Variants in FSIP2 observed in about 807,000 individuals in gnomAD.
FSIP2 encodes fibrous sheath-interacting protein 2.
In FSIP2, 367 loss-of-function variants were observed where a neutral mutation model predicts 510.5. The ratio of observed to expected loss-of-function variants is 0.72; its 90% CI spans 0.66 to 0.78. FSIP2 has a LOEUF of 0.78. FSIP2 is among the 30% of genes least tolerant of loss of function. The pLI is 0.00. For synonymous variants in FSIP2, 2,601 were observed against 2,732.2 expected, an observed-to-expected ratio of 0.95 and a Z score of 1.50; for missense variants, 7,594 against 7,901.7, an observed-to-expected ratio of 0.96 and a Z score of 1.48.
intron 17 of FSIP2, among the ~76,000 whole-genome samples, chr2:185,811,059 G>A (rs1307986272): frequency 3.9e-5 from 6 of 152,038 alleles, no homozygotes; most frequent in African/African-American, 9.7e-5. Context: ...CATTCAAGAT[G>A]TGACATCTTG....
intron 8 of FSIP2, 30 bp downstream of exon 8, chr2:185,753,872 A>G (rs1355949142): frequency 2.2e-6 from 3 of 1,385,012 alleles, no homozygotes; most frequent in African/African-American, 1.5e-5. Context: ...AAGATGATGT[A>G]GCTAAGTAGA....
At position 185,807,630 on chromosome 2, in the gene FSIP2, TGGATGCAA is replaced by T; in HGVS notation, c.18325_18332del (p.Gly6109AsnfsTer8). 1.9e-6 allele frequency: 3 copies of T among 1,612,898 alleles called. No homozygotes were observed. Among genetic ancestry groups the T allele is most frequent in the Non-Finnish European group, 2.5e-6 (3 of 1,179,334 alleles). The stretch of plus-strand genomic sequence containing the variant: ...AGATTATACAAAATTGTGTAACCAG[TGGATGCAA>T]AATCCTTTCAGAAAACATAGTTGAC... On this transcript the variant is annotated frameshift_variant, in exon 17 of 23. Transcript: ENST00000424728. LOFTEE classifies it high-confidence loss of function.
chr2:185,744,059 G>T (rs1373992724), intron 3 of FSIP2, among the ~76,000 whole-genome samples: 2 of 151,698 alleles, frequency 1.3e-5, no homozygotes, highest in African/African-American at 4.8e-5. Flanking sequence ...CAAACTCCTG[G>T]CCTCAAGAGA....
In FSIP2 at chr2:185,802,932, C is replaced by A. The variant is rs555759007; in HGVS notation, c.13626C>A (p.His4542Gln). 50 of 1,513,582 alleles carry A rather than the reference C, an allele frequency of 3.3e-5. 1 individual carries two copies. In the South Asian group the frequency reaches 5.0e-4, roughly 15 times the overall value. 93.8% of individuals were successfully genotyped at this position (1,513,582 alleles called of 1,614,324 possible). A position where few individuals can be genotyped will look rare whatever the true frequency, so the allele number is the denominator to read the frequency against. ...KFIYSEDDIQ[H>Q]LVDSVFANVV... is the part of the protein sequence containing the mutation. ...TTTATTCAGAAGATGATATTCAGCA[C>A]CTTGTTGATTCAGTATTTGCAAATG... is the stretch of plus-strand genomic sequence containing the variant. Residue 4542 changes from histidine to glutamine, a missense_variant, in exon 17 of 23, where the codon CAC becomes CAA. Physicochemically the swap from His to Gln is conservative, Grantham distance 24. Transcript: ENST00000424728.
At position 185,793,444 on chromosome 2, in the gene FSIP2, A is replaced by T. The variant is rs1306665916; in HGVS notation, c.6308A>T (p.Glu2103Val). 1 of 1,534,244 alleles carries T rather than the reference A, an allele frequency of 6.5e-7. No individual in the cohort carries two copies. The highest frequency in any genetic ancestry group is 8.7e-7 in the Non-Finnish European group (1 of 1,145,652). ...TIEGILCDIY[E>V]KTLFQNNLSF... ...GAAGGTATCCTATGTGATATTTATG[A>T]AAAAACCCTGTTTCAGAATAATCTC... Residue 2103 changes from glutamate to valine, a missense_variant, in exon 16 of 23, where the codon GAA (glutamate) becomes GTA (valine). Coordinates refer to ENST00000424728, the MANE Select transcript of FSIP2 (RefSeq NM_173651.4).
rs1262048894 is a variant in FSIP2 at position 185,804,065 on chromosome 2, T to G, written c.14759T>G (p.Leu4920Trp). The change falls in exon 17 of 23, where the codon TTG (leucine) becomes TGG (tryptophan). Residue 4920 changes from leucine (L) to tryptophan (W), a missense_variant. Leu to Trp is a moderately conservative substitution (Grantham distance 61, BLOSUM62 -2). Transcript: ENST00000424728. ...TTATCTGAAGATAAAACTCTCCTTT[T>G]GGCAGCAGTTGATCAAACTTATAAA... ...SFLSEDKTLL[L>W]AAVDQTYKLK... 2 of 1,522,658 alleles carry G rather than the reference T, an allele frequency of 1.3e-6. No individual in the cohort carries two copies. The highest frequency in any genetic ancestry group is 1.8e-6 in the Non-Finnish European group (2 of 1,138,662). 94.3% of individuals were successfully genotyped at this position (1,522,658 alleles called of 1,614,324 possible).
Position 185,764,505 on chromosome 2 carries a change from G to T in FSIP2, c.1351G>T (p.Glu451Ter), listed in dbSNP as rs1203367663. The T allele has an allele frequency of 6.5e-7, 1 of 1,528,560 alleles. No individual in the cohort carries two copies. The highest frequency in any genetic ancestry group is 2.5e-5 in the East Asian group (1 of 40,642). 94.7% of individuals were successfully genotyped at this position (1,528,560 alleles called of 1,614,324 possible). A position where few individuals can be genotyped will look rare whatever the true frequency, so the allele number is the denominator to read the frequency against. Residue 451 changes from glutamate to a stop codon, truncating the protein, a stop_gained, in exon 13 of 23, where the codon GAG becomes TAG. Coordinates refer to ENST00000424728, the MANE Select transcript of FSIP2 (RefSeq NM_173651.4). LOFTEE classifies it high-confidence loss of function. ...TTTGCTGTTGTGAATTATGTAGAAG[G>T]AGACAAATGCTGATTGGGATGGAAG... ...AFLDPSKEEKETNADWDGRPT... is the reference protein window; with the variant it reads ...AFLDPSKEEK
chr2:185,755,463 C>T (rs1439456916), intron 8 of FSIP2, among the ~76,000 whole-genome samples: 2 of 151,526 alleles, frequency 1.3e-5, no homozygotes, highest in East Asian at 3.9e-4. Flanking sequence ...TATTTAGATA[C>T]ACTGTTGAAG....
At position 185,808,522 on chromosome 2, in the gene FSIP2, G is replaced by T; in HGVS notation, c.19216G>T (p.Glu6406Ter). The T allele has an allele frequency of 6.2e-7, 1 of 1,612,368 alleles. No individual in the cohort carries two copies. The highest frequency in any genetic ancestry group is 8.5e-7 in the Non-Finnish European group (1 of 1,179,258). Residue 6406 changes from glutamate (E) to a stop codon, truncating the protein, a stop_gained, in exon 17 of 23, where the codon GAA becomes TAA. Transcript: ENST00000424728. LOFTEE classifies it high-confidence loss of function. ...SSISLIASDPEEHCLNPENTE... is the reference protein window; with the variant it reads ...SSISLIASDP ...CATTAGTCTAATAGCTTCTGATCCT[G>T]AAGAGCACTGTTTAAATCCAGAAAA...
At chr2:185,745,195 T>A (rs1003050380) in intron 4 of FSIP2, 14 of 280,634 alleles carry the variant, frequency 5.0e-5, no homozygotes, top group Non-Finnish European at 7.2e-5. Flanking sequence ...TTCCTGCATA[T>A]TTTTATTTAA....
chr2:185,787,012 G>A (rs1693002689), intron 15 of FSIP2, among the ~76,000 whole-genome samples: 1 of 151,734 alleles, frequency 6.6e-6, no homozygotes, highest in Non-Finnish European at 1.5e-5. Context: ...TTTATATATT[G>A]AGGTTGGAAT....
chr2:185,816,109 G>T (rs1341212517), intron 19 of FSIP2, among the ~76,000 whole-genome samples: 1 of 151,770 alleles, frequency 6.6e-6, no homozygotes, highest in East Asian at 2.0e-4. Context: ...CTAAATTTGT[G>T]CTTGCATTTA....
At chr2:185,782,945 C>T (rs373565316) in intron 14 of FSIP2, among the ~76,000 whole-genome samples, 183 bp downstream of exon 14, 3 of 152,130 alleles carry the variant, frequency 2.0e-5, no homozygotes, top group Non-Finnish European at 4.4e-5. Context: ...GAATCATTGT[C>T]CTTTCCTTTC....
Position 185,806,511 on chromosome 2 carries a change from C to T in FSIP2, c.17205C>T (p.Ser5735=), listed in dbSNP as rs187063484. 200 of 1,600,210 alleles carry T rather than the reference C, an allele frequency of 1.2e-4. 1 individual carries two copies. In the African/African-American group the frequency reaches 2.4e-3, roughly 19 times the overall value. ...SAQSVTTKKV[S]SSTNKNISAK... is the part of the protein sequence containing the mutation. ...AGTCTGTTACAACAAAAAAAGTATC[C>T]TCCTCAACTAACAAAAATATCTCTG... Residue 5735 remains serine (S), a synonymous_variant, in exon 17 of 23, where the codon TCC becomes TCT. Transcript: ENST00000424728.
In FSIP2 at chr2:185,745,439, C is replaced by A; in HGVS notation, c.488C>A (p.Ala163Glu). Residue 163 changes from alanine to glutamate, a missense_variant, in exon 5 of 23, where the codon GCA becomes GAA. Transcript: ENST00000424728. ...ACATTTCTTAAATAGAGAATACTTG[C>A]AAAACAACTACATAACATACCGGAA... ...RNYIKEQRIL[A>E]KQLHNIPENN... 1.3e-6 allele frequency: 2 copies of A among 1,529,026 alleles called. No homozygotes were observed. Among genetic ancestry groups the A allele is most frequent in the Non-Finnish European group, 1.8e-6 (2 of 1,141,840 alleles). The allele number at this position is 1,529,026 out of a possible 1,614,324, so 94.7% of individuals were successfully genotyped here.
chr2:185,739,516 T>C, intron 2 of FSIP2, 45 bp downstream of exon 2: 2 of 1,413,746 alleles, frequency 1.4e-6, no homozygotes, highest in South Asian at 1.5e-5. Flanking sequence ...CCTTTACTAC[T>C]TGCTGTTTAA....
chr2:185,831,822 A>C lies in FSIP2; in HGVS notation c.20527A>C (p.Ile6843Leu). ...CAATTTACCTTGGCAGTTTATCACCATCTTTGAAAGATCCAAGGATGTTCT... is the reference window on the plus strand; with the variant it reads ...CAATTTACCTTGGCAGTTTATCACCCTCTTTGAAAGATCCAAGGATGTTCT... Reference protein sequence around the residue: ...EHGNSVKFITIFERSKDVLGS... With the variant: ...EHGNSVKFITLFERSKDVLGS... Residue 6843 changes from isoleucine (I) to leucine (L), a missense_variant, in exon 22 of 23, where the codon ATC becomes CTC. Physicochemically the swap from Ile to Leu is conservative, Grantham distance 5. Transcript: ENST00000424728. The C allele has an allele frequency of 1.9e-6, 3 of 1,607,970 alleles. No homozygotes were observed. The highest frequency in any genetic ancestry group is 2.6e-6 in the Non-Finnish European group (3 of 1,175,264).
intron 20 of FSIP2, among the ~76,000 whole-genome samples, chr2:185,826,987 A>T (rs1175279041): frequency 6.6e-6 from 1 of 151,788 alleles, no homozygotes; most frequent in Non-Finnish European, 1.5e-5. Context: ...AATATCAGGA[A>T]TTTTTCTGTG....
chr2:185,786,558 A>G (rs779588830), intron 15 of FSIP2, among the ~76,000 whole-genome samples: 1 of 151,918 alleles, frequency 6.6e-6, no homozygotes. Context: ...ATCTATAACC[A>G]TCATAGGAAG....
Sources: allele counts gnomAD v4.1 joint callset (sites outside exome capture counted in the v4.1 genomes callset), GRCh38; gene constraint gnomAD v4.1.1; transcripts MANE v1.5; gene names NCBI Gene and HGNC (gene_info 2026-07-23, HGNC 2026-07-21).